Variants in APBB1IP observed in about 807,000 individuals in gnomAD.
The protein encoded by APBB1IP is amyloid beta precursor protein binding family B member 1 interacting protein.
APBB1IP carries 27 observed loss-of-function variants against 64.9 expected under a neutral mutation model. The ratio of observed to expected loss-of-function variants is 0.42; its 90% CI spans 0.31 to 0.57. The LOEUF (loss-of-function observed/expected upper bound fraction) is 0.57, where lower values mean the gene tolerates loss of function less well. APBB1IP is among the 20% of genes least tolerant of loss of function. The pLI is 0.20. For synonymous variants in APBB1IP, 392 were observed against 331.0 expected (o/e 1.18, Z -2.00); for missense variants, 812 against 845.5 (o/e 0.96, Z 0.49).
rs568265142 is a variant in APBB1IP at position 26,496,338 on chromosome 10, C to G, written c.107C>G (p.Pro36Arg). The G allele has an allele frequency of 6.2e-7, 1 of 1,612,934 alleles. No individual in the cohort carries two copies. The highest frequency in any genetic ancestry group is 2.2e-5 in the East Asian group (1 of 44,764). The change falls in exon 4 of 15, where the codon CCT becomes CGT. Residue 36 changes from proline (P) to arginine (R), a missense_variant. Around this residue, in one of 3 missense-constraint regions of APBB1IP, gnomAD observed 394 missense variants for 413.1 expected, o/e 0.95. Coordinates refer to ENST00000376236, the MANE Select transcript of APBB1IP (RefSeq NM_019043.4). ...LGVDTLPPPD[P>R]NPPRAEFNYS... Reference sequence around the variant, plus strand: ...GTTGACACTCTCCCTCCTCCTGACCCTAATCCACCCAGAGCTGAATTTAAC... The same window carrying G: ...GTTGACACTCTCCCTCCTCCTGACCGTAATCCACCCAGAGCTGAATTTAAC...
chr10:26,452,652 T>G (rs577766404), intron 2 of APBB1IP, among the ~76,000 whole-genome samples: 3 of 152,234 alleles, frequency 2.0e-5, no homozygotes, highest in Admixed American at 2.0e-4. Flanking sequence ...AGTTGCTCCA[T>G]ATTTATAGCT....
chr10:26,563,187 A>C (rs1000190160), intron 14 of APBB1IP, among the ~76,000 whole-genome samples: 1 of 152,062 alleles, frequency 6.6e-6, no homozygotes, highest in African/African-American at 2.4e-5. Flanking sequence ...GACTGCTAAA[A>C]GAGCTACATT....
At chr10:26,493,039 T>A (rs1297874521) in intron 3 of APBB1IP, among the ~76,000 whole-genome samples, 1 of 152,200 alleles carries the variant, frequency 6.6e-6, no homozygotes, top group Non-Finnish European at 1.5e-5. Context: ...CCCCCGGGAA[T>A]GCATTCTTTT....
intron 2 of APBB1IP, among the ~76,000 whole-genome samples, chr10:26,456,737 T>TAAAAAAAAAA (rs9299824): frequency 1.1e-5 from 1 of 90,678 alleles, no homozygotes; most frequent in African/African-American, 4.7e-5. Context: ...AGAACCTGTC[T>TAAAAAAAAAA]AAAAAAAAAA....
At chr10:26,552,788 C>G in intron 11 of APBB1IP, among the ~76,000 whole-genome samples, 1 of 152,184 alleles carries the variant, frequency 6.6e-6, no homozygotes, top group East Asian at 1.9e-4. Context: ...CCAACGTGGC[C>G]TCTGGAACCA....
Position 26,496,365 on chromosome 10 carries a change from A to G in APBB1IP, c.134A>G (p.Tyr45Cys). Residue 45 changes from tyrosine (Y) to cysteine (C), a missense_variant, in exon 4 of 15, where the codon TAC (tyrosine) becomes TGC (cysteine). This residue lies in a region of APBB1IP where 394 missense variants were observed against 413.1 expected (regional missense o/e 0.95). Transcript: ENST00000376236. The stretch of plus-strand genomic sequence containing the variant: ...AATCCACCCAGAGCTGAATTTAACT[A>G]CAGTGTGGGGTTTAAAGATTTAAAT... Reference protein sequence around the residue: ...DPNPPRAEFNYSVGFKDLNES... With the variant: ...DPNPPRAEFNCSVGFKDLNES... The G allele has an allele frequency of 1.2e-6, 2 of 1,612,408 alleles. No individual in the cohort carries two copies. The highest frequency in any genetic ancestry group is 1.7e-6 in the Non-Finnish European group (2 of 1,178,826).
intron 2 of APBB1IP, among the ~76,000 whole-genome samples, chr10:26,442,592 A>G (rs1835349247): frequency 6.6e-6 from 1 of 152,222 alleles, no homozygotes; most frequent in Non-Finnish European, 1.5e-5. Context: ...GGAGAGAAAC[A>G]AAAAATGATA....
chr10:26,469,392 T>G (rs1302914188), intron 2 of APBB1IP, among the ~76,000 whole-genome samples: 1 of 151,328 alleles, frequency 6.6e-6, no homozygotes, highest in African/African-American at 2.4e-5. Context: ...CCTGAATAGT[T>G]GAGATGACAG....
chr10:26,527,685 CTTTTTTT>C (rs768509910), intron 8 of APBB1IP, among the ~76,000 whole-genome samples: 1 of 68,642 alleles, frequency 1.5e-5, no homozygotes, highest in East Asian at 4.2e-4. Flanking sequence ...AGGTCCATGT[CTTTTTTT>C]TTTTTTTTTT....
At chr10:26,452,881 T>C (rs1361284889) in intron 2 of APBB1IP, among the ~76,000 whole-genome samples, 1 of 151,036 alleles carries the variant, frequency 6.6e-6, no homozygotes, top group African/African-American at 2.4e-5. Flanking sequence ...TTGTTTAGCT[T>C]CCACTTATAA....
intron 2 of APBB1IP, among the ~76,000 whole-genome samples, chr10:26,445,399 C>T (rs1348676924): frequency 6.6e-6 from 1 of 151,938 alleles, no homozygotes; most frequent in Non-Finnish European, 1.5e-5. Context: ...ACTTAAAAGC[C>T]CCATCCATAA....
rs761612112 is a variant in APBB1IP at position 26,560,192 on chromosome 10, C to A, written c.1243C>A (p.Arg415=). 1.6e-5 allele frequency: 26 copies of A among 1,613,768 alleles called. 1 individual carries two copies. In the Middle Eastern group the frequency reaches 1.6e-3, roughly 102 times the overall value. ...RTLNQWVMGI[R]IAKYGKTLYD... ...CCTTAACCAGTGGGTCATGGGAATA[C>A]GGATAGCCAAGGTGAGAGAGCGTTC... Residue 415 remains arginine (R), a synonymous_variant, in exon 12 of 15, where the codon CGG becomes AGG. Transcript: ENST00000376236.
rs1433405838 is a variant in APBB1IP at position 26,566,577 on chromosome 10, T to C, written c.1474-384T>C. Among the ~76,000 whole-genome samples the C allele has an allele frequency of 2.6e-5, 4 of 151,990 alleles. No individual in the cohort carries two copies. The South Asian group carries it at 8.3e-4, about 31-fold the overall frequency. ...CCAAAATATTAAAAAATTAGAAAAA[T>C]GATTATTTTTAATTTTAAAGACCAT... On this transcript the variant is annotated intron_variant, in intron 14 of 14. Coordinates refer to ENST00000376236, the MANE Select transcript of APBB1IP (RefSeq NM_019043.4).
chr10:26,567,154 C>A lies in APBB1IP; in HGVS notation c.1667C>A (p.Pro556Gln), dbSNP rs1275484655. The change falls in exon 15 of 15, where the codon CCG becomes CAG. Residue 556 changes from proline to glutamine, a missense_variant. Physicochemically the swap from Pro to Gln is moderately conservative, Grantham distance 76. Transcript: ENST00000376236. ...LPAPPDDFLP[P>Q]PPPPPPLDDP... is the part of the protein sequence containing the mutation. ...GCCCCACCCGACGACTTCCTGCCGC[C>A]GCCGCCACCGCCGCCGCCCCTCGAT... The A allele has an allele frequency of 2.1e-6, 3 of 1,412,748 alleles. No individual in the cohort carries two copies. Among genetic ancestry groups the A allele is most frequent in the African/African-American group, 3.0e-5 (2 of 65,586 alleles). 87.5% of individuals were successfully genotyped at this position (1,412,748 alleles called of 1,614,324 possible). A position where few individuals can be genotyped will look rare whatever the true frequency, so the allele number is the denominator to read the frequency against.
At chr10:26,553,377 C>T (rs1836856760) in intron 11 of APBB1IP, among the ~76,000 whole-genome samples, 2 of 152,056 alleles carry the variant, frequency 1.3e-5, no homozygotes, top group African/African-American at 4.8e-5. Flanking sequence ...TTCAGCCAGG[C>T]ACAGTGGCCT....
intron 8 of APBB1IP, among the ~76,000 whole-genome samples, chr10:26,527,933 C>A (rs1443681062): frequency 6.6e-6 from 1 of 152,084 alleles, no homozygotes; most frequent in Admixed American, 6.6e-5. Flanking sequence ...CTCAGGTGAT[C>A]CAACAGCCTT....
At chr10:26,510,775 C>CACAA (rs937015117) in intron 6 of APBB1IP, among the ~76,000 whole-genome samples, 1 of 148,560 alleles carries the variant, frequency 6.7e-6, no homozygotes, top group Non-Finnish European at 1.5e-5. Context: ...CACACACACA[C>CACAA]AAATGAAAAT....
At chr10:26,510,773 C>T (rs191287843) in intron 6 of APBB1IP, among the ~76,000 whole-genome samples, 1 of 149,762 alleles carries the variant, frequency 6.7e-6, no homozygotes, top group East Asian at 2.0e-4. Flanking sequence ...CACACACACA[C>T]ACAAATGAAA....
chr10:26,446,545 C>G (rs1263067487), intron 2 of APBB1IP, among the ~76,000 whole-genome samples: 1 of 152,172 alleles, frequency 6.6e-6, no homozygotes, highest in African/African-American at 2.4e-5. Context: ...ACTCACTGTT[C>G]CTCAAGGCTG....
Sources: allele counts gnomAD v4.1 joint callset (sites outside exome capture counted in the v4.1 genomes callset), GRCh38; gene constraint gnomAD v4.1.1; regional missense constraint gnomAD v4.1.1; transcripts MANE v1.5; gene names NCBI Gene and HGNC (gene_info 2026-07-23, HGNC 2026-07-21).